ZDHHC11: variants seen among roughly 807,000 people sequenced by gnomAD.
ZDHHC11 encodes the protein palmitoyltransferase ZDHHC11.
In ZDHHC11, 44 loss-of-function variants were observed where a neutral mutation model predicts 51.3. That is an observed-to-expected ratio of 0.86 (90% CI 0.67 to 1.10). The LOEUF is 1.10. Ranked by LOEUF, ZDHHC11 falls within the 50% of genes least tolerant of loss-of-function variation. The probability of loss-of-function intolerance (pLI) is 0.00; values close to 1 mark genes in which losing one functional copy is unlikely to be tolerated. For missense variants in ZDHHC11, 400 were observed against 537.7 expected (o/e 0.74, Z 2.53); for synonymous variants, 163 against 222.0 (o/e 0.73, Z 2.36).
upstream of ZDHHC11, among the ~76,000 whole-genome samples, chr5:853,250 T>G (rs1284729694): frequency 3.2e-5 from 3 of 95,224 alleles, no homozygotes; most frequent in African/African-American, 1.3e-4. Flanking sequence ...CGGAGGACAG[T>G]GAGCAGCGGG....
chr5:858,823 A>G (rs2150531368), intron 1 of ZDHHC11, among the ~76,000 whole-genome samples: 1 of 151,880 alleles, frequency 6.6e-6, no homozygotes, highest in Admixed American at 6.6e-5. Flanking sequence ...GAGTGCAGGG[A>G]TTGCATCTGC....
chr5:804,111 T>G (rs1738894763), intron 11 of ZDHHC11, among the ~76,000 whole-genome samples: 1 of 151,324 alleles, frequency 6.6e-6, no homozygotes, highest in African/African-American at 2.4e-5. Flanking sequence ...AGCAGTTGTG[T>G]TTTCTGCACT....
intron 11 of ZDHHC11, among the ~76,000 whole-genome samples, chr5:808,263 C>A (rs1380999640): frequency 6.6e-6 from 1 of 151,908 alleles, no homozygotes; most frequent in African/African-American, 2.4e-5. Flanking sequence ...TCTGAGAGGA[C>A]CTGCACCCTT....
chr5:850,783 G>C lies in ZDHHC11; in HGVS notation c.-181C>G, dbSNP rs1044494637. On this transcript the variant is annotated 5_prime_UTR_variant, in exon 1 of 13. Coordinates refer to ENST00000283441, the MANE Select transcript of ZDHHC11 (RefSeq NM_024786.3). ...AGGGAGCAGGGGCTGGGCTGGAGTC[G>C]GTGCAGGGCCCCGCCCAGGGGAATG... 2.7e-6 allele frequency: 2 copies of C among 737,640 alleles called. No individual in the cohort carries two copies. The highest frequency in any genetic ancestry group is 3.5e-5 in the African/African-American group (2 of 56,398). 45.7% of individuals were successfully genotyped at this position (737,640 alleles called of 1,614,324 possible). A position where few individuals can be genotyped will look rare whatever the true frequency, so the allele number is the denominator to read the frequency against.
At chr5:818,616 T>C (rs918104356) in intron 10 of ZDHHC11, among the ~76,000 whole-genome samples, 2 of 151,612 alleles carry the variant, frequency 1.3e-5, no homozygotes, top group Non-Finnish European at 3.0e-5. Context: ...CGCCCTGCTA[T>C]GGGAGGCTGA....
intron 7 of ZDHHC11, among the ~76,000 whole-genome samples, chr5:825,667 C>T (rs1742260483): frequency 6.7e-6 from 1 of 148,910 alleles, no homozygotes; most frequent in Admixed American, 6.9e-5. Context: ...AGCAGCATAC[C>T]AGAAAAAACA....
chr5:848,787 G>A, intron 1 of ZDHHC11, 127 bp from the exon 2 acceptor site: 4 of 1,380,452 alleles, frequency 2.9e-6, no homozygotes, highest in South Asian at 1.4e-5. Context: ...CTGCACACGT[G>A]AGCCCAGCTC....
chr5:798,567 CT>C (rs1182156104), intron 12 of ZDHHC11, among the ~76,000 whole-genome samples: 1 of 150,448 alleles, frequency 6.6e-6, no homozygotes, highest in African/African-American at 2.4e-5. Context: ...ATTCCACGAT[CT>C]TTAAAATCTA....
At chr5:824,969 G>T (rs1444297303) in intron 8 of ZDHHC11, among the ~76,000 whole-genome samples, 195 bp downstream of exon 8, 5 of 151,476 alleles carry the variant, frequency 3.3e-5, no homozygotes, top group African/African-American at 1.2e-4. Context: ...GTCACCCACA[G>T]CTGGGAAGCA....
At chr5:823,574 C>T (rs868305618) in intron 8 of ZDHHC11, 16 of 164,924 alleles carry the variant, frequency 9.7e-5, no homozygotes, top group Middle Eastern at 5.4e-3. Flanking sequence ...GGCTGTGCCA[C>T]GGACGCGGGT....
In ZDHHC11 at chr5:849,419, T is replaced by C. The variant is rs561061983; in HGVS notation, c.223-759A>G. Among the ~76,000 whole-genome samples the C allele has an allele frequency of 1.6e-4, 24 of 151,856 alleles. No homozygotes were observed. In the South Asian group the frequency reaches 2.3e-3, roughly 15 times the overall value. On this transcript the variant is annotated intron_variant, in intron 1 of 12. Transcript: ENST00000283441. ...CCCAAAGGCCCTGGAGGAGCCTGGGTTCTTTCATACCAGAGACCCCTGAGC... is the reference window on the plus strand; with the variant it reads ...CCCAAAGGCCCTGGAGGAGCCTGGGCTCTTTCATACCAGAGACCCCTGAGC...
chr5:840,836 G>C, intron 4 of ZDHHC11, 186 bp from the exon 5 acceptor site: 1 of 1,473,034 alleles, frequency 6.8e-7, no homozygotes, highest in South Asian at 1.3e-5. Flanking sequence ...GCCTTCGGTT[G>C]GTTTTCATGA....
At chr5:796,839 C>G (rs1375491829) in intron 12 of ZDHHC11, among the ~76,000 whole-genome samples, 1 of 152,226 alleles carries the variant, frequency 6.6e-6, no homozygotes, top group African/African-American at 2.4e-5. Flanking sequence ...CGACAGAGGC[C>G]ATTTTCTATT....
At chr5:819,714 G>A in intron 9 of ZDHHC11, 102 bp from the exon 10 acceptor site, 1 of 1,226,708 alleles carries the variant, frequency 8.2e-7, no homozygotes, top group Non-Finnish European at 1.2e-6. Flanking sequence ...ACTGCAGTGG[G>A]GCCCATGTGT....
intron 4 of ZDHHC11, chr5:841,662 C>T (rs1314272524): frequency 3.5e-5 from 35 of 990,954 alleles, no homozygotes; most frequent in Non-Finnish European, 4.1e-5. Context: ...TCAAATAGAA[C>T]AGGAAAGCCA....
intron 12 of ZDHHC11, among the ~76,000 whole-genome samples, chr5:798,788 A>AT (rs1491487076): frequency 7.3e-6 from 1 of 137,210 alleles, no homozygotes; most frequent in African/African-American, 2.9e-5. Flanking sequence ...TTAGTGGTGA[A>AT]TATTTTTTTT....
intron 4 of ZDHHC11, 94 bp from the exon 5 acceptor site, chr5:840,744 C>G (rs759615662): frequency 3.6e-5 from 57 of 1,585,002 alleles, no homozygotes; most frequent in Middle Eastern, 3.4e-4. Flanking sequence ...GGGGATGGGG[C>G]GGTGTGGGGA....
intron 5 of ZDHHC11, among the ~76,000 whole-genome samples, chr5:838,843 CAG>C (rs1198873122): frequency 2.5e-4 from 37 of 148,868 alleles, no homozygotes; most frequent in African/African-American, 7.6e-4. Context: ...CAAGGGCCTG[CAG>C]CACCCCACGT....
intron 7 of ZDHHC11, among the ~76,000 whole-genome samples, chr5:827,328 C>G (rs1166553112): frequency 6.7e-6 from 1 of 149,720 alleles, no homozygotes; most frequent in African/African-American, 2.5e-5. Context: ...AATTAAAAAA[C>G]CAAGGTATTC....
Sources: gnomAD v4.1 joint callset for allele counts (sites outside exome capture counted in the v4.1 genomes callset) on GRCh38, gnomAD v4.1.1 for gene constraint, MANE v1.5 for transcripts, NCBI Gene and HGNC (gene_info 2026-07-23, HGNC 2026-07-21) for gene names.